FAXC: variants seen among roughly 807,000 people sequenced by gnomAD.
The protein encoded by FAXC is failed axon connections homolog.
FAXC carries 10 observed loss-of-function variants against 41.9 expected under a neutral mutation model. The ratio of observed to expected loss-of-function variants is 0.24; its 90% CI spans 0.15 to 0.41. The LOEUF is 0.41. Among genes scored for constraint, FAXC ranks in the 10% least tolerant of loss-of-function variants. FAXC has a pLI of 1.00. For missense variants in FAXC, 399 were observed against 510.9 expected, an observed-to-expected ratio of 0.78 and a Z score of 2.11; for synonymous variants, 183 against 183.8, an observed-to-expected ratio of 1.00 and a Z score of 0.03.
At chr6:99,345,201 T>C (rs1252228491) in intron 1 of FAXC, among the ~76,000 whole-genome samples, 6 of 152,180 alleles carry the variant, frequency 3.9e-5, no homozygotes, top group Non-Finnish European at 7.3e-5. Context: ...AACTGCCAGT[T>C]TGACTTAGAC....
chr6:99,301,406 C>T (rs565362891), intron 4 of FAXC, among the ~76,000 whole-genome samples: 17 of 152,226 alleles, frequency 1.1e-4, no homozygotes, highest in Non-Finnish European at 1.9e-4. Context: ...TGGCCACAGG[C>T]ATTGCATGCT....
chr6:99,317,514 A>C (rs1365562045), intron 4 of FAXC, among the ~76,000 whole-genome samples: 1 of 152,210 alleles, frequency 6.6e-6, no homozygotes, highest in Non-Finnish European at 1.5e-5. Context: ...TCTGTATTTA[A>C]AGCACAATTC....
At chr6:99,340,669 T>TC (rs1773391858) in intron 2 of FAXC, among the ~76,000 whole-genome samples, 1 of 6,952 alleles carries the variant, frequency 1.4e-4, no homozygotes, top group Non-Finnish European at 3.8e-4. Flanking sequence ...AAAATTCCTT[T>TC]TTTTTTTTTT....
At chr6:99,316,948 G>A (rs995132183) in intron 4 of FAXC, among the ~76,000 whole-genome samples, 8 of 152,046 alleles carry the variant, frequency 5.3e-5, no homozygotes, top group African/African-American at 9.7e-5. Context: ...TTGAAGGGAC[G>A]CACTACTTTG....
chr6:99,332,600 G>A (rs1477622844), intron 3 of FAXC, among the ~76,000 whole-genome samples: 1 of 152,074 alleles, frequency 6.6e-6, no homozygotes, highest in African/African-American at 2.4e-5. Context: ...ACAGAACAGG[G>A]AAAACTCATC....
chr6:99,347,674 A>C (rs1773650891), intron 1 of FAXC, among the ~76,000 whole-genome samples: 1 of 152,218 alleles, frequency 6.6e-6, no homozygotes, highest in South Asian at 2.1e-4. Context: ...CACTGCTGAG[A>C]AGCCTCATGG....
intron 3 of FAXC, among the ~76,000 whole-genome samples, chr6:99,332,203 C>T (rs1393892565): frequency 1.3e-5 from 2 of 152,068 alleles, no homozygotes; most frequent in South Asian, 2.1e-4. Flanking sequence ...GAGATAGGAA[C>T]AGCAAGTTCT....
intron 5 of FAXC, among the ~76,000 whole-genome samples, chr6:99,287,982 C>T (rs1771085768): frequency 6.6e-6 from 1 of 152,152 alleles, no homozygotes; most frequent in Non-Finnish European, 1.5e-5. Flanking sequence ...AAAGTACATA[C>T]AACAATGTGC....
chr6:99,275,065 C>T lies in FAXC; in HGVS notation c.*6099G>A, dbSNP rs9389187. 107 of 151,390 alleles carry T rather than the reference C, an allele frequency of 7.1e-4. 1 individual carries two copies. In the East Asian group the frequency reaches 0.02, roughly 28 times the overall value. 9.4% of individuals were successfully genotyped at this position (151,390 alleles called of 1,614,324 possible). A position where few individuals can be genotyped will look rare whatever the true frequency, so the allele number is the denominator to read the frequency against. On this transcript the variant is annotated 3_prime_UTR_variant, in exon 6 of 6. Transcript: ENST00000389677. The stretch of plus-strand genomic sequence containing the variant: ...TTAGAAGCCATGGGGTAACTAAAAA[C>T]AAAAAAGGTATTAAATAAGGAAAAA...
chr6:99,318,174 G>C (rs933343697), intron 4 of FAXC, among the ~76,000 whole-genome samples: 2 of 151,764 alleles, frequency 1.3e-5, no homozygotes, highest in Non-Finnish European at 2.9e-5. Context: ...CAGGAGAATG[G>C]CGTGAACCCG....
chr6:99,306,416 G>A (rs1333949671), intron 4 of FAXC, among the ~76,000 whole-genome samples: 2 of 152,186 alleles, frequency 1.3e-5, no homozygotes, highest in East Asian at 3.8e-4. Context: ...AGGTCAGAGG[G>A]AATGCTGGGT....
chr6:99,297,547 G>A (rs558514302), intron 4 of FAXC, among the ~76,000 whole-genome samples: 4 of 152,132 alleles, frequency 2.6e-5, no homozygotes, highest in Admixed American at 6.5e-5. Context: ...AAGTTCCAGT[G>A]GGGGAGGGGG....
rs1475837759 is a variant in FAXC, at chr6:99,271,340, G to A, written c.*9824C>T. The A allele has an allele frequency of 2.6e-5, 4 of 152,186 alleles. No individual in the cohort carries two copies. Among genetic ancestry groups the A allele is most frequent in the East Asian group, 1.9e-4 (1 of 5,194 alleles). 9.4% of individuals were successfully genotyped at this position (152,186 alleles called of 1,614,324 possible). ...CTAGAAGGGTGTGGAACCAACTGACGTTGAAGTAGATGTAGATCTATTTCA... is the reference window on the plus strand; with the variant it reads ...CTAGAAGGGTGTGGAACCAACTGACATTGAAGTAGATGTAGATCTATTTCA... On this transcript the variant is annotated 3_prime_UTR_variant, in exon 6 of 6. Transcript: ENST00000389677.
At chr6:99,322,502 G>A (rs1772630271) in intron 4 of FAXC, among the ~76,000 whole-genome samples, 1 of 152,178 alleles carries the variant, frequency 6.6e-6, no homozygotes, top group Non-Finnish European at 1.5e-5. Flanking sequence ...GAATGAGGAT[G>A]AGGGTGAATC....
intron 5 of FAXC, among the ~76,000 whole-genome samples, chr6:99,287,106 C>T (rs1771056953): frequency 6.6e-6 from 1 of 151,980 alleles, no homozygotes; most frequent in African/African-American, 2.4e-5. Flanking sequence ...CCCACAAGTC[C>T]AGAAATAGAT....
chr6:99,304,635 G>A (rs1300212497), intron 4 of FAXC, among the ~76,000 whole-genome samples: 1 of 152,164 alleles, frequency 6.6e-6, no homozygotes, highest in Non-Finnish European at 1.5e-5. Context: ...ATAACATTGT[G>A]GATTGCCTCA....
intron 4 of FAXC, among the ~76,000 whole-genome samples, chr6:99,305,356 C>T (rs1347150939): frequency 1.3e-5 from 2 of 152,034 alleles, no homozygotes; most frequent in Non-Finnish European, 2.9e-5. Flanking sequence ...GTGAGCACCC[C>T]GGTGATGAAT....
intron 5 of FAXC, among the ~76,000 whole-genome samples, chr6:99,282,368 C>G (rs564005927): frequency 4.6e-5 from 7 of 152,184 alleles, no homozygotes; most frequent in Non-Finnish European, 8.8e-5. Context: ...ACCTTTCCCC[C>G]CAAAAAATCC....
At chr6:99,297,354 C>T (rs193071117) in intron 4 of FAXC, among the ~76,000 whole-genome samples, 37 of 152,228 alleles carry the variant, frequency 2.4e-4, no homozygotes, top group Admixed American at 1.1e-3. Flanking sequence ...AGGACAAAGA[C>T]ACACAGTTGT....
Sources: gnomAD v4.1 joint callset for allele counts (sites outside exome capture counted in the v4.1 genomes callset) on GRCh38, gnomAD v4.1.1 for gene constraint, MANE v1.5 for transcripts, NCBI Gene and HGNC (gene_info 2026-07-23, HGNC 2026-07-21) for gene names.